HS6ST3: variants seen among roughly 807,000 people sequenced by gnomAD.
HS6ST3 encodes heparan-sulfate 6-O-sulfotransferase 3.
HS6ST3 carries 12 observed loss-of-function variants against 36.7 expected under a neutral mutation model. The observed-to-expected ratio is 0.33, with a 90% CI of 0.21 to 0.53. The LOEUF (loss-of-function observed/expected upper bound fraction) is 0.53, where lower values mean the gene tolerates loss of function less well. Among genes scored for constraint, HS6ST3 ranks in the 20% least tolerant of loss-of-function variants. The probability of loss-of-function intolerance (pLI) is 0.95; values close to 1 mark genes in which losing one functional copy is unlikely to be tolerated. For missense variants in HS6ST3, 584 were observed against 640.9 expected (o/e 0.91, Z 0.96); for synonymous variants, 240 against 257.5 (o/e 0.93, Z 0.65).
At chr13:96,158,960 C>T (rs1187937690) in intron 1 of HS6ST3, among the ~76,000 whole-genome samples, 3 of 152,068 alleles carry the variant, frequency 2.0e-5, no homozygotes, top group Non-Finnish European at 4.4e-5. Context: ...GAAACTGTCA[C>T]TTAGTGAATC....
chr13:96,104,943 A>T (rs1042383232), intron 1 of HS6ST3, among the ~76,000 whole-genome samples: 2 of 152,084 alleles, frequency 1.3e-5, no homozygotes, highest in Admixed American at 6.6e-5. Context: ...TACTTGCCTA[A>T]AACAAAGCCT....
chr13:96,567,576 C>T (rs1462321052), intron 1 of HS6ST3, among the ~76,000 whole-genome samples: 6 of 151,920 alleles, frequency 3.9e-5, no homozygotes, highest in Non-Finnish European at 8.8e-5. Context: ...ACACACACAC[C>T]CTCTTTAAAA....
intron 1 of HS6ST3, among the ~76,000 whole-genome samples, chr13:96,370,811 C>T (rs1016935603): frequency 3.9e-5 from 6 of 152,142 alleles, no homozygotes; most frequent in Non-Finnish European, 7.3e-5. Context: ...GCAGGAGAAT[C>T]GCTTGAACCC....
intron 1 of HS6ST3, among the ~76,000 whole-genome samples, chr13:96,220,089 C>G (rs2054448113): frequency 1.3e-5 from 2 of 152,154 alleles, no homozygotes; most frequent in Admixed American, 6.5e-5. Flanking sequence ...GTTTTTTAGG[C>G]AAATTGGAGA....
chr13:96,250,537 G>A (rs1252416023), intron 1 of HS6ST3, among the ~76,000 whole-genome samples: 1 of 152,120 alleles, frequency 6.6e-6, no homozygotes, highest in Non-Finnish European at 1.5e-5. Flanking sequence ...AACAGAAGCT[G>A]GAAAAGGCAA....
Position 96,697,514 on chromosome 13 carries a change from A to G in HS6ST3, c.708-134976A>G, listed in dbSNP as rs150103763. ...TAAAAATTTCTATGAAGTGCTGAAT[A>G]AGAAAACACCTATAAACACATATAA... On this transcript the variant is annotated intron_variant, in intron 1 of 1. Coordinates refer to ENST00000376705, the MANE Select transcript of HS6ST3 (RefSeq NM_153456.4). Among the ~76,000 whole-genome samples, 27 of 152,260 alleles carry G rather than the reference A, an allele frequency of 1.8e-4. 1 individual carries two copies. The East Asian group carries it at 5.0e-3, about 28-fold the overall frequency.
At chr13:96,737,593 CCGCAG>C (rs1876318368) in intron 1 of HS6ST3, among the ~76,000 whole-genome samples, 1 of 135,054 alleles carries the variant, frequency 7.4e-6, no homozygotes, top group South Asian at 2.3e-4. Context: ...CCACTGCAGT[CCGCAG>C]TCCGGCCTGG....
chr13:96,284,551 G>A (rs796358064), intron 1 of HS6ST3, among the ~76,000 whole-genome samples: 1 of 152,130 alleles, frequency 6.6e-6, no homozygotes, highest in South Asian at 2.1e-4. Context: ...AGCCGATTAG[G>A]TTGTGCCCAC....
At chr13:96,172,374 G>A (rs1027734143) in intron 1 of HS6ST3, among the ~76,000 whole-genome samples, 1 of 152,196 alleles carries the variant, frequency 6.6e-6, no homozygotes, top group African/African-American at 2.4e-5. Context: ...AGATAGGGCT[G>A]TGCTTTCTTC....
intron 1 of HS6ST3, among the ~76,000 whole-genome samples, chr13:96,225,928 A>G (rs905257983): frequency 6.6e-6 from 1 of 152,170 alleles, no homozygotes; most frequent in African/African-American, 2.4e-5. Flanking sequence ...GTCCTGGGAT[A>G]GTAGTATTAG....
chr13:96,461,589 T>A (rs1029208090), intron 1 of HS6ST3, among the ~76,000 whole-genome samples: 1 of 152,186 alleles, frequency 6.6e-6, no homozygotes, highest in Admixed American at 6.5e-5. Flanking sequence ...TAAACTGCAT[T>A]GCTGAACTAA....
At position 96,410,976 on chromosome 13, in the gene HS6ST3, A is replaced by G. The variant is rs150440212; in HGVS notation, c.707+319407A>G. ...TATGTTAACCCTGGAGCTCATAGCCAGGAATGAGGATGGTAAATTTCCAGT... is the reference window on the plus strand; with the variant it reads ...TATGTTAACCCTGGAGCTCATAGCCGGGAATGAGGATGGTAAATTTCCAGT... On this transcript the variant is annotated intron_variant, in intron 1 of 1. Transcript: ENST00000376705. Among the ~76,000 whole-genome samples the G allele has an allele frequency of 3.3e-4, 50 of 152,334 alleles. 1 individual carries two copies. The highest frequency in any genetic ancestry group is 1.5e-4 in the Non-Finnish European group (10 of 68,022).
intron 1 of HS6ST3, among the ~76,000 whole-genome samples, chr13:96,681,913 G>A (rs532342480): frequency 5.9e-4 from 89 of 152,060 alleles, no homozygotes; most frequent in African/African-American, 2.1e-3. Flanking sequence ...TCATCCTTTA[G>A]TATTCTGTTC....
At chr13:96,240,608 T>C (rs1007931295) in intron 1 of HS6ST3, among the ~76,000 whole-genome samples, 38 of 151,968 alleles carry the variant, frequency 2.5e-4, no homozygotes, top group African/African-American at 8.9e-4. Flanking sequence ...CTTTGAAAAA[T>C]GGAAAAACAT....
chr13:96,138,722 G>A (rs1484075628), intron 1 of HS6ST3, among the ~76,000 whole-genome samples: 1 of 151,870 alleles, frequency 6.6e-6, no homozygotes, highest in African/African-American at 2.4e-5. Context: ...ATAAATTATG[G>A]CCTGTCTACA....
At chr13:96,108,639 C>G (rs1380821095) in intron 1 of HS6ST3, among the ~76,000 whole-genome samples, 1 of 152,158 alleles carries the variant, frequency 6.6e-6, no homozygotes, top group Non-Finnish European at 1.5e-5. Context: ...TACTCTTTCC[C>G]TTTATTCTCA....
At chr13:96,710,064 A>G (rs1422634602) in intron 1 of HS6ST3, among the ~76,000 whole-genome samples, 1 of 152,174 alleles carries the variant, frequency 6.6e-6, no homozygotes, top group Non-Finnish European at 1.5e-5. Flanking sequence ...TGGGGAGGAA[A>G]GGTAGGTAAG....
Position 96,218,511 on chromosome 13 carries a change from C to T in HS6ST3, c.707+126942C>T, listed in dbSNP as rs561082690. ...TGTTTCCAGGATGTCACAGTTCCTC[C>T]GGGAACATGCCAGTTACCAAGAGTC... On this transcript the variant is annotated intron_variant, in intron 1 of 1. Coordinates refer to ENST00000376705, the MANE Select transcript of HS6ST3 (RefSeq NM_153456.4). Among the ~76,000 whole-genome samples the T allele has an allele frequency of 1.6e-4, 24 of 152,260 alleles. 1 individual carries two copies. Among genetic ancestry groups the T allele is most frequent in the African/African-American group, 4.8e-4 (20 of 41,556 alleles).
intron 1 of HS6ST3, among the ~76,000 whole-genome samples, chr13:96,748,530 A>G (rs1413420591): frequency 1.3e-5 from 2 of 152,164 alleles, no homozygotes; most frequent in African/African-American, 4.8e-5. Flanking sequence ...TCAGTTGTAC[A>G]GTATTTAGCT....
Sources: gnomAD v4.1 joint callset for allele counts (sites outside exome capture counted in the v4.1 genomes callset) on GRCh38, gnomAD v4.1.1 for gene constraint, MANE v1.5 for transcripts, NCBI Gene and HGNC (gene_info 2026-07-23, HGNC 2026-07-21) for gene names.